Variants in SUPT4H1 observed in about 807,000 individuals in gnomAD.
SUPT4H1 encodes SPT4 homolog, DSIF elongation factor subunit.
In SUPT4H1, 12 loss-of-function variants were observed where a neutral mutation model predicts 19.4. The ratio of observed to expected loss-of-function variants is 0.62; its 90% CI spans 0.40 to 1.00. SUPT4H1 has a LOEUF of 1.00. SUPT4H1 is among the 50% of genes least tolerant of loss of function. SUPT4H1 has a pLI of 0.00. For synonymous variants in SUPT4H1, 58 were observed against 56.3 expected (o/e 1.03, Z -0.14); for missense variants, 115 against 149.2 (o/e 0.77, Z 1.19).
rs1400738968 is a variant in SUPT4H1, at chr17:58,346,242, C to G, written c.*4G>C. On this transcript the variant is annotated 3_prime_UTR_variant, in exon 5 of 5. Transcript: ENST00000225504. ...AGCAAAGATGCTGGCAGCCTTGCAT[C>G]TTGCTAGGTCTTTATAGCTGTGTCT... 26 of 1,613,086 alleles carry G rather than the reference C, an allele frequency of 1.6e-5. No individual in the cohort carries two copies. The highest frequency in any genetic ancestry group is 2.0e-5 in the Non-Finnish European group (24 of 1,179,086).
At position 58,347,603 on chromosome 17, in the gene SUPT4H1, T is replaced by TG. The variant is rs1445238673; in HGVS notation, c.177-20dup. 1.4e-5 allele frequency: 22 copies of TG among 1,613,900 alleles called. No homozygotes were observed. The highest frequency in any genetic ancestry group is 1.9e-5 in the Non-Finnish European group (22 of 1,179,802). Reference sequence around the variant, plus strand: ...AATGATTCTAGGGAGGGAAAAGAAATGGAGAGTCAGCCTGAGCCTCCCTGG... The same window carrying TG: ...AATGATTCTAGGGAGGGAAAAGAAATGGGAGAGTCAGCCTGAGCCTCCCTGG... On this transcript the variant is annotated intron_variant, in intron 2 of 4. Coordinates refer to ENST00000225504, the MANE Select transcript of SUPT4H1 (RefSeq NM_003168.3).
intron 2 of SUPT4H1, among the ~76,000 whole-genome samples, chr17:58,350,908 A>G (rs2143328937): frequency 6.6e-6 from 1 of 150,782 alleles, no homozygotes; most frequent in African/African-American, 2.4e-5. Context: ...CCTTCCCTTC[A>G]TTTTCAAAAA....
intron 1 of SUPT4H1, 168 bp downstream of exon 1, chr17:58,351,899 T>C: frequency 1.5e-6 from 1 of 685,074 alleles, no homozygotes; most frequent in Admixed American, 2.6e-5. Context: ...GCAAGACCTG[T>C]CCGCGATCCT....
intron 3 of SUPT4H1, 23 bp from the exon 4 acceptor site, chr17:58,347,264 C>CAA: frequency 6.2e-7 from 1 of 1,613,620 alleles, no homozygotes; most frequent in Non-Finnish European, 8.5e-7. Context: ...AAAAAAGATA[C>CAA]AAGATTACAG....
Position 58,351,482 on chromosome 17 carries a change from A to G in SUPT4H1, c.96T>C (p.Gly32=). Residue 32 remains glycine, a synonymous_variant, in exon 2 of 5, where the codon GGT becomes GGC. Transcript: ENST00000225504. ...GTAGATATGCATCACAATTGTCACA[A>G]CCATCATATTCAAACTGGTCTATAG... ...VKTIDQFEYD[G]CDNCDAYLQM... is the part of the protein sequence containing the mutation. 6.2e-7 allele frequency: 1 copy of G among 1,613,884 alleles called. No homozygotes were observed. The highest frequency in any genetic ancestry group is 8.5e-7 in the Non-Finnish European group (1 of 1,179,756).
intron 4 of SUPT4H1, among the ~76,000 whole-genome samples, chr17:58,346,704 CAG>C (rs992383456): frequency 1.7e-5 from 2 of 116,512 alleles, no homozygotes; most frequent in African/African-American, 3.4e-5. Context: ...GCCTGGGTGA[CAG>C]AGACTCTGTC....
intron 2 of SUPT4H1, among the ~76,000 whole-genome samples, chr17:58,349,437 T>C (rs1257581795): frequency 1.3e-5 from 2 of 152,264 alleles, no homozygotes; most frequent in Non-Finnish European, 2.9e-5. Context: ...GGCTAACTTA[T>C]TATATTCAGT....
rs760255136 is a variant in SUPT4H1, at chr17:58,352,173, C to G, written c.-38G>C. On this transcript the variant is annotated 5_prime_UTR_variant, in exon 1 of 5. Transcript: ENST00000225504. ...GAAGAACAACAGGGAGATAGACGAC[C>G]ACAGCCTGTGCACCCGCAGGAAGTA... 1.9e-6 allele frequency: 3 copies of G among 1,604,066 alleles called. No individual in the cohort carries two copies. Among genetic ancestry groups the G allele is most frequent in the African/African-American group, 1.3e-5 (1 of 74,720 alleles).
In SUPT4H1 at chr17:58,346,162, G is replaced by A; in HGVS notation, c.*84C>T. On this transcript the variant is annotated 3_prime_UTR_variant, in exon 5 of 5. Transcript: ENST00000225504. ...CTGAATTGGAGGGTAGGAAGTATTT[G>A]AAGTTCTGTTCATTTAGTTCCAGAA... 9.1e-7 allele frequency: 1 copy of A among 1,103,924 alleles called. No individual in the cohort carries two copies. Among genetic ancestry groups the A allele is most frequent in the Non-Finnish European group, 1.4e-6 (1 of 719,948 alleles). 68.4% of individuals were successfully genotyped at this position (1,103,924 alleles called of 1,614,324 possible).
rs1235704992 is a variant in SUPT4H1, at chr17:58,346,305, G to A, written c.295C>T (p.Arg99Trp). ...GCCACTCCTCGACTTTTCAGCTCCC[G>A]CACGATTCCTGAAGCAGGAAAAGAA... ...VTGRLPQGIV[R>W]ELKSRGVAYK... Residue 99 changes from arginine to tryptophan, a missense_variant, in exon 5 of 5, where the codon CGG becomes TGG. Physicochemically the swap from Arg to Trp is moderately radical, Grantham distance 101 (BLOSUM62 -3). Transcript: ENST00000225504. 1.2e-6 allele frequency: 2 copies of A among 1,613,722 alleles called. No individual in the cohort carries two copies. Among genetic ancestry groups the A allele is most frequent in the African/African-American group, 1.3e-5 (1 of 74,872 alleles).
intron 4 of SUPT4H1, among the ~76,000 whole-genome samples, chr17:58,346,787 C>T (rs1390194310): frequency 2.7e-5 from 4 of 148,378 alleles, no homozygotes; most frequent in African/African-American, 7.4e-5. Flanking sequence ...GGCAGGTATT[C>T]GGTAAGAATG....
chr17:58,347,466 A>G (rs1972334071), intron 3 of SUPT4H1, 63 bp downstream of exon 3: 2 of 1,587,396 alleles, frequency 1.3e-6, no homozygotes, highest in African/African-American at 1.3e-5. Context: ...GAGACTCCCT[A>G]ATGGACCTGA....
intron 2 of SUPT4H1, among the ~76,000 whole-genome samples, chr17:58,348,549 A>G (rs1972378693): frequency 6.6e-6 from 1 of 152,286 alleles, no homozygotes; most frequent in Non-Finnish European, 1.5e-5. Flanking sequence ...CCTGACCACA[A>G]GTATATTCTT....
Position 58,352,167 on chromosome 17 carries a change from G to C in SUPT4H1, c.-32C>G, listed in dbSNP as rs748263399. 3 of 1,609,204 alleles carry C rather than the reference G, an allele frequency of 1.9e-6. No individual in the cohort carries two copies. Among genetic ancestry groups the C allele is most frequent in the Non-Finnish European group, 2.6e-6 (3 of 1,175,644 alleles). On this transcript the variant is annotated 5_prime_UTR_variant, in exon 1 of 5. Transcript: ENST00000225504. ...CGATGGGAAGAACAACAGGGAGATAGACGACCACAGCCTGTGCACCCGCAG... is the reference window on the plus strand; with the variant it reads ...CGATGGGAAGAACAACAGGGAGATACACGACCACAGCCTGTGCACCCGCAG...
chr17:58,346,386 TG>T, intron 4 of SUPT4H1, 73 bp from the exon 5 acceptor site: 3 of 1,280,442 alleles, frequency 2.3e-6, no homozygotes, highest in African/African-American at 2.9e-5. Flanking sequence ...GCTGCCACCT[TG>T]AGGGGGGTAC....
In SUPT4H1 at chr17:58,347,199, C is replaced by A. The variant is rs770569322; in HGVS notation, c.275G>T (p.Arg92Leu). The change falls in exon 4 of 5, where the codon CGC (arginine) becomes CTC (leucine). Residue 92 changes from arginine (R) to leucine (L), a missense_variant. Physicochemically the swap from Arg to Leu is moderately radical, Grantham distance 102. Transcript: ENST00000225504. ...PGVYAVSVTG[R>L]LPQGIVRELK... The stretch of plus-strand genomic sequence containing the variant: ...ATGATTATTATTACCTTGGGGCAGG[C>A]GACCAGTGACTGACACCGCATATAC... 2 of 1,613,870 alleles carry A rather than the reference C, an allele frequency of 1.2e-6. No homozygotes were observed. The highest frequency in any genetic ancestry group is 8.5e-7 in the Non-Finnish European group (1 of 1,179,982).
chr17:58,345,518 G>C lies in SUPT4H1; in HGVS notation c.*728C>G, dbSNP rs1435292102. Reference sequence around the variant, plus strand: ...ACTCAATGGTCGCCCAAGGCCCAAGGGTCTCCAGTGAGTGCTTGAGACTGG... The same window carrying C: ...ACTCAATGGTCGCCCAAGGCCCAAGCGTCTCCAGTGAGTGCTTGAGACTGG... On this transcript the variant is annotated 3_prime_UTR_variant, in exon 5 of 5. Coordinates refer to ENST00000225504, the MANE Select transcript of SUPT4H1 (RefSeq NM_003168.3). 1 of 151,976 alleles carries C rather than the reference G, an allele frequency of 6.6e-6. No individual in the cohort carries two copies. Among genetic ancestry groups the C allele is most frequent in the Non-Finnish European group, 1.5e-5 (1 of 68,020 alleles). The allele number at this position is 151,976 out of a possible 1,614,324, so 9.4% of individuals were successfully genotyped here. A position where few individuals can be genotyped will look rare whatever the true frequency, so the allele number is the denominator to read the frequency against.
chr17:58,346,433 T>A, intron 4 of SUPT4H1, 120 bp from the exon 5 acceptor site: 1 of 805,416 alleles, frequency 1.2e-6, no homozygotes, highest in Non-Finnish European at 2.1e-6. Flanking sequence ...TACTTATCAA[T>A]CGTCTGCTTG....
rs1972276420 is a variant in SUPT4H1 at position 58,346,006 on chromosome 17, A to T, written c.*240T>A. On this transcript the variant is annotated 3_prime_UTR_variant, in exon 5 of 5. Transcript: ENST00000225504. ...GGCACAGACCTGGGCCACGGGTAGG[A>T]AAATCAGCATCCTACTCTCTCCTCA... is the stretch of plus-strand genomic sequence containing the variant. The T allele has an allele frequency of 1.5e-5, 7 of 466,572 alleles. No homozygotes were observed. In the South Asian group the frequency reaches 1.7e-4, roughly 11 times the overall value. The allele number at this position is 466,572 out of a possible 1,614,324, so 28.9% of individuals were successfully genotyped here.
Sources: allele counts gnomAD v4.1 joint callset (sites outside exome capture counted in the v4.1 genomes callset), GRCh38; gene constraint gnomAD v4.1.1; transcripts MANE v1.5; gene names NCBI Gene and HGNC (gene_info 2026-07-23, HGNC 2026-07-21).